LGR5: variants seen among roughly 807,000 people sequenced by gnomAD.
LGR5 encodes the protein leucine rich repeat containing G protein-coupled receptor 5.
In LGR5, 54 loss-of-function variants were observed where a neutral mutation model predicts 76.7. That is an observed-to-expected ratio of 0.70 (90% CI 0.57 to 0.88). The LOEUF is 0.88. Among genes scored for constraint, LGR5 ranks in the 40% least tolerant of loss-of-function variants. The probability of loss-of-function intolerance (pLI) is 0.00; values close to 1 mark genes in which losing one functional copy is unlikely to be tolerated. For missense variants in LGR5, 1,078 were observed against 1,073.3 expected (o/e 1.00, Z -0.06); for synonymous variants, 406 against 421.9 (o/e 0.96, Z 0.46).
chr12:71,540,688 G>C (rs1407614578), intron 4 of LGR5, among the ~76,000 whole-genome samples: 1 of 152,170 alleles, frequency 6.6e-6, no homozygotes, highest in Non-Finnish European at 1.5e-5. Flanking sequence ...TGCTGAGCAG[G>C]AGGTAAGACA....
At position 71,553,239 on chromosome 12, in the gene LGR5, C is replaced by T. The variant is rs1877584603; in HGVS notation, c.595C>T (p.His199Tyr). 1 of 1,613,958 alleles carries T rather than the reference C, an allele frequency of 6.2e-7. No individual in the cohort carries two copies. The highest frequency in any genetic ancestry group is 1.7e-5 in the Admixed American group (1 of 59,990). Reference sequence around the variant, plus strand: ...CATGACCTTGGCCCTGAACAAAATACACCACATACCAGACTATGCCTTTGG... The same window carrying T: ...CATGACCTTGGCCCTGAACAAAATATACCACATACCAGACTATGCCTTTGG... ...QAMTLALNKI[H>Y]HIPDYAFGNL... Residue 199 changes from histidine to tyrosine, a missense_variant, in exon 5 of 18, where the codon CAC becomes TAC. By Grantham distance (83) the His-to-Tyr change is moderately conservative (BLOSUM62 2). Coordinates refer to ENST00000266674, the MANE Select transcript of LGR5 (RefSeq NM_003667.4).
intron 1 of LGR5, among the ~76,000 whole-genome samples, chr12:71,455,958 ATAGAG>A (rs1872455345): frequency 6.6e-6 from 1 of 152,188 alleles, no homozygotes; most frequent in African/African-American, 2.4e-5. Context: ...ACCATAGTAA[ATAGAG>A]TATTGACAAA....
intron 2 of LGR5, among the ~76,000 whole-genome samples, chr12:71,508,657 G>A (rs1434697150): frequency 6.6e-6 from 1 of 150,850 alleles, no homozygotes; most frequent in Non-Finnish European, 1.5e-5. Flanking sequence ...AGGAGGCTGA[G>A]GCAGTAGAAT....
chr12:71,537,740 T>G (rs1876673685), intron 4 of LGR5, among the ~76,000 whole-genome samples: 2 of 152,050 alleles, frequency 1.3e-5, no homozygotes, highest in South Asian at 4.1e-4. Context: ...AAACATGCAT[T>G]CCTTATCCAT....
At chr12:71,478,553 T>G (rs955165560) in intron 1 of LGR5, among the ~76,000 whole-genome samples, 1 of 152,200 alleles carries the variant, frequency 6.6e-6, no homozygotes, top group Admixed American at 6.5e-5. Context: ...TCTGTGTTGG[T>G]CAATAAGTCC....
intron 1 of LGR5, among the ~76,000 whole-genome samples, chr12:71,477,733 G>A (rs752349850): frequency 6.6e-6 from 1 of 152,012 alleles, no homozygotes. Flanking sequence ...AACTTCCAGG[G>A]ACATAGTAAG....
intron 16 of LGR5, among the ~76,000 whole-genome samples, chr12:71,581,713 G>T (rs1879099510): frequency 6.6e-6 from 1 of 152,180 alleles, no homozygotes; most frequent in African/African-American, 2.4e-5. Flanking sequence ...CAAGCAAAAA[G>T]TTATTAGAGA....
At chr12:71,445,115 A>G (rs1318773624) in intron 1 of LGR5, among the ~76,000 whole-genome samples, 1 of 152,216 alleles carries the variant, frequency 6.6e-6, no homozygotes, top group Non-Finnish European at 1.5e-5. Flanking sequence ...TTCAGTTATT[A>G]TGCAAATTTA....
In LGR5 at chr12:71,547,948, T is replaced by C. The variant is rs374282368; in HGVS notation, c.429-5125T>C. On this transcript the variant is annotated intron_variant, in intron 4 of 17. Transcript: ENST00000266674. ...ATTTTTGTTTTACCTATAAATTATA[T>C]ATACTATATACTATAAACTATATGT... Among the ~76,000 whole-genome samples, 11 of 151,738 alleles carry C rather than the reference T, an allele frequency of 7.2e-5. No homozygotes were observed. The South Asian group carries it at 1.9e-3, about 26-fold the overall frequency.
chr12:71,525,518 A>G (rs1875952320), intron 3 of LGR5, among the ~76,000 whole-genome samples: 2 of 151,792 alleles, frequency 1.3e-5, no homozygotes, highest in South Asian at 2.1e-4. Context: ...TCCGATGCAT[A>G]TAGTTTCACA....
chr12:71,439,890 A>G lies in LGR5; in HGVS notation c.-191A>G, dbSNP rs1871668571. Reference sequence around the variant, plus strand: ...TGCTCCGAAGGCCGGCGTGGCGGCAACCGGCACCTCTGTCCCCGCCGCGCT... The same window carrying G: ...TGCTCCGAAGGCCGGCGTGGCGGCAGCCGGCACCTCTGTCCCCGCCGCGCT... On this transcript the variant is annotated 5_prime_UTR_variant, in exon 1 of 18. Transcript: ENST00000266674. 3.7e-6 allele frequency: 2 copies of G among 547,282 alleles called. No individual in the cohort carries two copies. Among genetic ancestry groups the G allele is most frequent in the East Asian group, 6.8e-5 (2 of 29,320 alleles). 33.9% of individuals were successfully genotyped at this position (547,282 alleles called of 1,614,324 possible). A position where few individuals can be genotyped will look rare whatever the true frequency, so the allele number is the denominator to read the frequency against.
chr12:71,552,433 C>G (rs1012528068), intron 4 of LGR5, among the ~76,000 whole-genome samples: 1 of 151,806 alleles, frequency 6.6e-6, no homozygotes, highest in African/African-American at 2.4e-5. Context: ...GGTGTGGTGG[C>G]AGACGCCTGT....
chr12:71,493,003 G>A (rs1289882310), intron 1 of LGR5, among the ~76,000 whole-genome samples: 1 of 151,270 alleles, frequency 6.6e-6, no homozygotes, highest in Non-Finnish European at 1.5e-5. Context: ...GCTTTGGTCA[G>A]AGCCCATGAA....
In LGR5 at chr12:71,504,599, T is replaced by C. The variant is rs747813259; in HGVS notation, c.213-15T>C. On this transcript the variant is annotated splice_polypyrimidine_tract_variant and intron_variant, in intron 1 of 17. Transcript: ENST00000266674. Reference sequence around the variant, plus strand: ...CATTTGCTGCTCCTCACACGCTGTCTGTTTTCCCCCCCAGAGACCTCAGTA... The same window carrying C: ...CATTTGCTGCTCCTCACACGCTGTCCGTTTTCCCCCCCAGAGACCTCAGTA... 3.1e-6 allele frequency: 5 copies of C among 1,612,342 alleles called. No homozygotes were observed. The South Asian group carries it at 5.5e-5, about 18-fold the overall frequency.
chr12:71,559,449 T>C (rs899451662), intron 6 of LGR5, 137 bp from the exon 7 acceptor site: 19 of 586,868 alleles, frequency 3.2e-5, no homozygotes, highest in Non-Finnish European at 4.9e-5. Context: ...CAAGAAAATC[T>C]CTTTCCATAA....
chr12:71,475,320 T>C (rs1353432879), intron 1 of LGR5, among the ~76,000 whole-genome samples: 1 of 152,196 alleles, frequency 6.6e-6, no homozygotes, highest in Non-Finnish European at 1.5e-5. Flanking sequence ...TTATACGTCT[T>C]TAATTTAAAA....
chr12:71,511,988 T>TTTTG (rs138561110), intron 2 of LGR5, among the ~76,000 whole-genome samples: 5 of 151,888 alleles, frequency 3.3e-5, no homozygotes, highest in Non-Finnish European at 4.4e-5. Context: ...GGTTTGTTTG[T>TTTTG]TTTGTTTGTT....
intron 2 of LGR5, among the ~76,000 whole-genome samples, chr12:71,515,446 A>C (rs1000978115): frequency 1.3e-5 from 2 of 152,234 alleles, no homozygotes; most frequent in Admixed American, 1.3e-4. Context: ...CTTTTCAGAA[A>C]TTTTACATTT....
chr12:71,509,340 C>G (rs138786581), intron 2 of LGR5, among the ~76,000 whole-genome samples: 327 of 152,174 alleles, frequency 2.1e-3, no homozygotes, highest in African/African-American at 7.5e-3. Context: ...AAGATTTTAA[C>G]CCCCTCTTTT....
Sources: allele counts gnomAD v4.1 joint callset (sites outside exome capture counted in the v4.1 genomes callset), GRCh38; gene constraint gnomAD v4.1.1; transcripts MANE v1.5; gene names NCBI Gene and HGNC (gene_info 2026-07-23, HGNC 2026-07-21).